Variants in SLC6A18 observed in about 807,000 individuals in gnomAD.
SLC6A18 encodes solute carrier family 6 member 18, also known as inactive sodium-dependent neutral amino acid transporter B(0)AT3.
Under a neutral mutation model 62.9 loss-of-function variants are expected in SLC6A18, and 58 were observed. The observed-to-expected ratio is 0.92, with a 90% CI of 0.75 to 1.15. The LOEUF (loss-of-function observed/expected upper bound fraction) is 1.15, where lower values mean the gene tolerates loss of function less well. Among genes scored for constraint, SLC6A18 ranks in the 50% most tolerant of loss-of-function variants. The probability of loss-of-function intolerance (pLI) is 0.00; values close to 1 mark genes in which losing one functional copy is unlikely to be tolerated. For missense variants in SLC6A18, 793 were observed against 836.6 expected (o/e 0.95, Z 0.64); for synonymous variants, 382 against 365.8 (o/e 1.04, Z -0.51).
intron 9 of SLC6A18, among the ~76,000 whole-genome samples, 156 bp from the exon 10 acceptor site, chr5:1,244,058 G>T (rs1317050577): frequency 1.3e-5 from 2 of 152,108 alleles, no homozygotes; most frequent in Non-Finnish European, 1.5e-5. Context: ...GGAGGGCAGG[G>T]ATGGAGGGTG....
intron 1 of SLC6A18, among the ~76,000 whole-genome samples, chr5:1,226,318 A>G (rs891813966): frequency 7.2e-5 from 11 of 152,158 alleles, no homozygotes; most frequent in African/African-American, 2.4e-5. Context: ...CCATGTGGCG[A>G]CACAGGATGT....
Position 1,232,740 on chromosome 5 carries a change from C to T in SLC6A18, c.302-11C>T. 6 of 1,605,892 alleles carry T rather than the reference C, an allele frequency of 3.7e-6. No homozygotes were observed. The South Asian group carries it at 6.7e-5, about 18-fold the overall frequency. On this transcript the variant is annotated splice_polypyrimidine_tract_variant and intron_variant, in intron 2 of 11. Coordinates refer to ENST00000324642, the MANE Select transcript of SLC6A18 (RefSeq NM_182632.3). ...AGCCCCGGGGCCACCTGACATGGTC[C>T]CTGTCCACAGGGCTGGGCTGTGTCA... is the stretch of plus-strand genomic sequence containing the variant.
intron 4 of SLC6A18, among the ~76,000 whole-genome samples, chr5:1,237,135 G>T (rs1746903194): frequency 1.3e-5 from 2 of 150,906 alleles, no homozygotes; most frequent in South Asian, 4.2e-4. Flanking sequence ...CCAACTACTT[G>T]CGAGGCTGAG....
Position 1,243,751 on chromosome 5 carries a change from C to G in SLC6A18, c.1328C>G (p.Ala443Gly). 6.2e-7 allele frequency: 1 copy of G among 1,605,406 alleles called. No homozygotes were observed. The highest frequency in any genetic ancestry group is 8.5e-7 in the Non-Finnish European group (1 of 1,175,198). ...GVLPRWVPKE[A>G]LTGLVCLVCF... The stretch of plus-strand genomic sequence containing the variant: ...CTGCCTAGATGGGTCCCCAAGGAGG[C>G]CCTGACTGGTGAGCGCACAGCTCCG... Residue 443 changes from alanine to glycine, a missense_variant, in exon 9 of 12, where the codon GCC becomes GGC. Physicochemically the swap from Ala to Gly is moderately conservative, Grantham distance 60. Transcript: ENST00000324642. The surrounding 1 kb of genome is among the most constrained non-coding windows in gnomAD (Gnocchi z 6.5).
chr5:1,243,562 C>T lies in SLC6A18; in HGVS notation c.1139C>T (p.Ser380Leu), dbSNP rs534829526. ...LLEDFLDKSA[S>L]GPGLAFVVFT... ...GGGCTCCGTGTATTGCAGAGTGCCT[C>T]GGGCCCGGGCCTGGCCTTCGTCGTC... The change falls in exon 9 of 12, where the codon TCG (serine) becomes TTG (leucine). Residue 380 changes from serine (S) to leucine (L), a missense_variant. Coordinates refer to ENST00000324642, the MANE Select transcript of SLC6A18 (RefSeq NM_182632.3). This position sits in a 1 kb window ranked among gnomAD's most constrained non-coding sequence, Gnocchi z 6.5. 29 of 1,613,384 alleles carry T rather than the reference C, an allele frequency of 1.8e-5. No individual in the cohort carries two copies. The highest frequency in any genetic ancestry group is 2.2e-5 in the East Asian group (1 of 44,866).
At chr5:1,235,735 T>C in intron 4 of SLC6A18, 73 bp downstream of exon 4, 12 of 1,506,662 alleles carry the variant, frequency 8.0e-6, no homozygotes, top group Non-Finnish European at 1.1e-5. Context: ...TTGACCTGTG[T>C]TCGCTTTGTG....
chr5:1,228,593 C>G (rs1746642367), intron 1 of SLC6A18, among the ~76,000 whole-genome samples: 1 of 152,260 alleles, frequency 6.6e-6, no homozygotes, highest in Non-Finnish European at 1.5e-5. Context: ...AGCCACCTTT[C>G]CCGTCTTCGG....
intron 1 of SLC6A18, among the ~76,000 whole-genome samples, chr5:1,227,147 T>C (rs550476083): frequency 2.2e-4 from 32 of 142,222 alleles, no homozygotes; most frequent in East Asian, 1.5e-3. Context: ...TGCCCGCCGA[T>C]GACTTGCCCG....
chr5:1,225,945 G>A lies in SLC6A18; in HGVS notation c.160+308G>A, dbSNP rs556711863. ...TCAGGTTGAATGGGCCGCCCTGCCC[G>A]ACACACACACCCTACAAACAGTGAG... On this transcript the variant is annotated intron_variant, in intron 1 of 11. Transcript: ENST00000324642. 5.9e-5 allele frequency among the ~76,000 whole-genome samples: 9 copies of A among 152,292 alleles called. No individual in the cohort carries two copies. In the South Asian group the frequency reaches 8.3e-4, roughly 14 times the overall value.
intron 9 of SLC6A18, 43 bp from the exon 10 acceptor site, chr5:1,244,171 T>A (rs7448994): frequency 1.4e-5 from 8 of 588,170 alleles, no homozygotes; most frequent in East Asian, 8.4e-5. Context: ...ACACCTCCAC[T>A]CCCCATCCCC....
At chr5:1,225,762 G>C (rs1746542980) in intron 1 of SLC6A18, 125 bp downstream of exon 1, 2 of 1,203,358 alleles carry the variant, frequency 1.7e-6, no homozygotes, top group East Asian at 5.2e-5. Context: ...GGAAACCAGG[G>C]TGCACCATTG....
intron 10 of SLC6A18, 51 bp from the exon 11 acceptor site, chr5:1,244,557 G>C: frequency 6.4e-7 from 1 of 1,558,962 alleles, no homozygotes; most frequent in Non-Finnish European, 8.7e-7. Context: ...GGCTTGGAGT[G>C]GGTGGACCTT....
rs148200333 is a variant in SLC6A18, at chr5:1,225,514, G to T, written c.37G>T (p.Asp13Tyr). 1 of 1,613,290 alleles carries T rather than the reference G, an allele frequency of 6.2e-7. No homozygotes were observed. Residue 13 changes from aspartate to tyrosine, a missense_variant, in exon 1 of 12, where the codon GAC (aspartate) becomes TAC (tyrosine). Transcript: ENST00000324642. Reference sequence around the variant, plus strand: ...CCCAGAACCGGACCCGGCCGCCTGCGACCTCGGGGATGAGAGGCCCAAGTG... The same window carrying T: ...CCCAGAACCGGACCCGGCCGCCTGCTACCTCGGGGATGAGAGGCCCAAGTG... The part of the protein sequence containing the change: ...HAPEPDPAAC[D>Y]LGDERPKWDN...
chr5:1,245,769 C>G, intron 11 of SLC6A18, 79 bp from the exon 12 acceptor site: 1 of 1,435,416 alleles, frequency 7.0e-7, no homozygotes, highest in South Asian at 1.4e-5. Context: ...TGGCTCTTGC[C>G]CCTTGGATTG....
intron 4 of SLC6A18, among the ~76,000 whole-genome samples, chr5:1,235,996 T>G (rs1746874719): frequency 6.6e-6 from 1 of 152,264 alleles, no homozygotes. Flanking sequence ...CAGCATACAA[T>G]TGGATCTGGC....
chr5:1,228,741 G>A (rs964023698), intron 1 of SLC6A18, among the ~76,000 whole-genome samples: 10 of 152,222 alleles, frequency 6.6e-5, no homozygotes, highest in African/African-American at 1.4e-4. Context: ...GCGTGCTGGC[G>A]TCTACTTGTA....
chr5:1,228,506 C>G (rs571417112), intron 1 of SLC6A18, among the ~76,000 whole-genome samples: 1 of 152,348 alleles, frequency 6.6e-6, no homozygotes, highest in East Asian at 1.9e-4. Context: ...GCCTCTGCAT[C>G]TCTCAGCCTC....
At position 1,237,847 on chromosome 5, in the gene SLC6A18, A is replaced by G. The variant is rs1411192326; in HGVS notation, c.622-103A>G. On this transcript the variant is annotated intron_variant, in intron 4 of 11. Coordinates refer to ENST00000324642, the MANE Select transcript of SLC6A18 (RefSeq NM_182632.3). ...GGTCAATCCCATACCAGAGGCAGCC[A>G]CTCTGACCACAAGGGCGGTGTCTGG... The G allele has an allele frequency of 5.8e-6, 5 of 868,608 alleles. 1 individual carries two copies. The South Asian group carries it at 7.7e-5, about 13-fold the overall frequency. The allele number at this position is 868,608 out of a possible 1,614,324, so 53.8% of individuals were successfully genotyped here. A position where few individuals can be genotyped will look rare whatever the true frequency, so the allele number is the denominator to read the frequency against.
At chr5:1,240,444 G>T in intron 6 of SLC6A18, 87 bp from the exon 7 acceptor site, 3 of 1,571,718 alleles carry the variant, frequency 1.9e-6, no homozygotes, top group Non-Finnish European at 2.6e-6. Context: ...AGAGGGTCAA[G>T]GAGGGAAGCC....
Sources: allele counts gnomAD v4.1 joint callset (sites outside exome capture counted in the v4.1 genomes callset), GRCh38; gene constraint gnomAD v4.1.1; non-coding constraint Gnocchi (gnomAD v3.1); transcripts MANE v1.5; gene names NCBI Gene and HGNC (gene_info 2026-07-23, HGNC 2026-07-21).